The following KANK1 variants were observed in gnomAD, a reference collection of about 807,000 sequenced individuals.
The protein encoded by KANK1 is KN motif and ankyrin repeat domain-containing protein 1.
Under a neutral mutation model 106.2 loss-of-function variants are expected in KANK1, and 109 were observed. That is an observed-to-expected ratio of 1.03 (90% CI 0.88 to 1.20). The LOEUF is 1.20. Ranked by LOEUF, KANK1 falls within the 50% of genes most tolerant of loss-of-function variation. The pLI is 0.00. For missense variants in KANK1, 2,399 were observed against 1,710.7 expected (o/e 1.40, Z -7.10); for synonymous variants, 873 against 652.2 (o/e 1.34, Z -5.16).
At chr9:690,833 A>G (rs981042504) in intron 2 of KANK1, among the ~76,000 whole-genome samples, 1 of 152,176 alleles carries the variant, frequency 6.6e-6, no homozygotes, top group Non-Finnish European at 1.5e-5. Context: ...CTGTGCTGGT[A>G]TACGCTCAGC....
intron 1 of KANK1, 107 bp downstream of exon 1, chr9:504,861 G>C (rs1468671108): frequency 2.9e-5 from 4 of 139,406 alleles, no homozygotes; most frequent in African/African-American, 5.1e-5. Flanking sequence ...GAGCCGACTT[G>C]GCGCGCGCCG....
chr9:532,273 C>T lies in KANK1; in HGVS notation c.-84+27519C>T, dbSNP rs113682502. Among the ~76,000 whole-genome samples the T allele has an allele frequency of 3.7e-3, 491 of 134,202 alleles. 2 individuals carry two copies. Among genetic ancestry groups the T allele is most frequent in the African/African-American group, 0.013 (454 of 35,592 alleles). 88.0% of individuals were successfully genotyped at this position (134,202 alleles called of 152,430 possible). On this transcript the variant is annotated intron_variant, in intron 1 of 11. Coordinates refer to ENST00000382297, the MANE Select transcript of KANK1 (RefSeq NM_015158.5). ...TTTTTTTTTTTGAGACAGAGTTTCA[C>T]TCTTGTTGCCCAGGCTGGAGTGCAG... is the stretch of plus-strand genomic sequence containing the variant.
At chr9:564,065 T>TC (rs1030824258) in intron 1 of KANK1, among the ~76,000 whole-genome samples, 8 of 150,292 alleles carry the variant, frequency 5.3e-5, no homozygotes, top group African/African-American at 1.9e-4. Flanking sequence ...TTTCTTTCTT[T>TC]TTTTTTTTTT....
chr9:559,009 T>A (rs1815657930), intron 1 of KANK1: 1 of 152,194 alleles, frequency 6.6e-6, no homozygotes, highest in South Asian at 2.1e-4. Context: ...TAAATAAGTT[T>A]TAGTAGATGA....
At chr9:679,204 G>T (rs1563975331) in intron 2 of KANK1, among the ~76,000 whole-genome samples, 1 of 152,086 alleles carries the variant, frequency 6.6e-6, no homozygotes, top group Non-Finnish European at 1.5e-5. Context: ...CTGTGCAGGG[G>T]AAGATTTTTT....
intron 2 of KANK1, among the ~76,000 whole-genome samples, chr9:472,642 G>A (rs1215202042): frequency 6.6e-6 from 1 of 152,160 alleles, no homozygotes; most frequent in Non-Finnish European, 1.5e-5. Context: ...TCACTCCCTT[G>A]GAGCCCTGAG....
At chr9:566,519 T>G (rs139562173) in intron 1 of KANK1, among the ~76,000 whole-genome samples, 46 of 152,334 alleles carry the variant, frequency 3.0e-4, no homozygotes, top group African/African-American at 1.0e-3. Flanking sequence ...CGCCAGCACC[T>G]GTTATGTTTT....
chr9:608,009 C>G (rs9696777), intron 1 of KANK1, among the ~76,000 whole-genome samples: 1 of 141,440 alleles, frequency 7.1e-6, no homozygotes, highest in East Asian at 2.0e-4. Context: ...AAAAAACTTT[C>G]AGAATTATTA....
chr9:563,646 G>A (rs1295149358), intron 1 of KANK1, among the ~76,000 whole-genome samples: 3 of 152,200 alleles, frequency 2.0e-5, no homozygotes, highest in African/African-American at 7.2e-5. Flanking sequence ...ATCCTTGGGT[G>A]TGAGGTCAGA....
At chr9:576,244 C>T (rs1243909126) in intron 1 of KANK1, among the ~76,000 whole-genome samples, 2 of 152,168 alleles carry the variant, frequency 1.3e-5, no homozygotes, top group African/African-American at 4.8e-5. Context: ...TTCATACCAT[C>T]CTTTTATAAT....
intron 1 of KANK1, among the ~76,000 whole-genome samples, chr9:670,963 T>TGG (rs1563960926): frequency 2.1e-5 from 3 of 143,830 alleles, no homozygotes; most frequent in Middle Eastern, 3.7e-3. Flanking sequence ...TTTTTTTTTT[T>TGG]TTTTTTTTTT....
chr9:632,686 T>G (rs1343887677), intron 1 of KANK1, among the ~76,000 whole-genome samples: 1 of 152,008 alleles, frequency 6.6e-6, no homozygotes, highest in Non-Finnish European at 1.5e-5. Flanking sequence ...GAGTGGTGTT[T>G]TGTTTTGTTT....
intron 1 of KANK1, among the ~76,000 whole-genome samples, chr9:602,744 A>C (rs1269760598): frequency 6.6e-6 from 1 of 151,908 alleles, no homozygotes; most frequent in Non-Finnish European, 1.5e-5. Context: ...ACATTGACAA[A>C]ATATTTTAGA....
chr9:608,506 C>T (rs1343422830), intron 1 of KANK1, among the ~76,000 whole-genome samples: 1 of 151,676 alleles, frequency 6.6e-6, no homozygotes, highest in Non-Finnish European at 1.5e-5. Flanking sequence ...TGTTTCAGAG[C>T]ATGTGAGATG....
At chr9:531,701 T>C (rs898432613) in intron 1 of KANK1, among the ~76,000 whole-genome samples, 1 of 152,194 alleles carries the variant, frequency 6.6e-6, no homozygotes, top group African/African-American at 2.4e-5. Flanking sequence ...AAAAAGTCTT[T>C]ATTTGCCTAA....
At chr9:609,941 G>A (rs1012555937) in intron 1 of KANK1, among the ~76,000 whole-genome samples, 1 of 152,056 alleles carries the variant, frequency 6.6e-6, no homozygotes, top group Admixed American at 6.6e-5. Flanking sequence ...TATTTATGTG[G>A]TTTGATTTTT....
chr9:594,655 G>A (rs529059689), intron 1 of KANK1, among the ~76,000 whole-genome samples: 1 of 151,844 alleles, frequency 6.6e-6, no homozygotes, highest in South Asian at 2.1e-4. Flanking sequence ...ATCCCTGAGT[G>A]TTTTTTTGAT....
At chr9:613,650 G>A (rs1831104200) in intron 1 of KANK1, among the ~76,000 whole-genome samples, 1 of 152,114 alleles carries the variant, frequency 6.6e-6, no homozygotes, top group Non-Finnish European at 1.5e-5. Context: ...GGAATCCACA[G>A]AGAGCAAACT....
At chr9:694,166 A>G (rs1395902727) in intron 2 of KANK1, among the ~76,000 whole-genome samples, 2 of 152,130 alleles carry the variant, frequency 1.3e-5, no homozygotes, top group Non-Finnish European at 2.9e-5. Context: ...TTCTTGTATA[A>G]ACACTATAAA....
Sources: gnomAD v4.1 joint callset for allele counts (sites outside exome capture counted in the v4.1 genomes callset) on GRCh38, gnomAD v4.1.1 for gene constraint, MANE v1.5 for transcripts, NCBI Gene and HGNC (gene_info 2026-07-23, HGNC 2026-07-21) for gene names.